ST8SIA6: variants seen among roughly 807,000 people sequenced by gnomAD.
The protein encoded by ST8SIA6 is ST8 alpha-N-acetyl-neuraminide alpha-2,8-sialyltransferase 6, also known as alpha-2,8-sialyltransferase 8F.
In ST8SIA6, 39 loss-of-function variants were observed where a neutral mutation model predicts 33.6. The observed-to-expected ratio is 1.16, with a 90% CI of 0.90 to 1.52. The LOEUF is 1.52. Among genes scored for constraint, ST8SIA6 ranks in the 40% most tolerant of loss-of-function variants. The pLI, the probability that ST8SIA6 is intolerant of heterozygous loss-of-function variation, is 0.00. For missense variants in ST8SIA6, 441 were observed against 443.8 expected, an observed-to-expected ratio of 0.99 and a Z score of 0.06; for synonymous variants, 172 against 167.2, an observed-to-expected ratio of 1.03 and a Z score of -0.22.
At chr10:17,365,345 GGTTA>G (rs1311902965) in intron 3 of ST8SIA6, among the ~76,000 whole-genome samples, 1 of 152,066 alleles carries the variant, frequency 6.6e-6, no homozygotes, top group African/African-American at 2.4e-5. Context: ...TATAATTTAT[GGTTA>G]ATTAATAAAA....
intron 4 of ST8SIA6, among the ~76,000 whole-genome samples, chr10:17,341,103 T>C (rs1848658919): frequency 6.6e-6 from 1 of 152,248 alleles, no homozygotes; most frequent in Non-Finnish European, 1.5e-5. Flanking sequence ...AGGCTTTCAC[T>C]TGACTTTCTA....
At chr10:17,371,036 G>A (rs1261279294) in intron 3 of ST8SIA6, among the ~76,000 whole-genome samples, 1 of 152,160 alleles carries the variant, frequency 6.6e-6, no homozygotes, top group East Asian at 1.9e-4. Flanking sequence ...GGTGGGGTTA[G>A]GAAGAAATCA....
At chr10:17,323,970 C>T (rs963858270) in intron 6 of ST8SIA6, among the ~76,000 whole-genome samples, 7 of 152,074 alleles carry the variant, frequency 4.6e-5, no homozygotes, top group Admixed American at 4.6e-4. Context: ...GATAGTTTTG[C>T]CACCAAATTA....
chr10:17,380,567 TAAC>T (rs780425706), intron 3 of ST8SIA6, among the ~76,000 whole-genome samples: 2 of 152,224 alleles, frequency 1.3e-5, no homozygotes, highest in Non-Finnish European at 2.9e-5. Flanking sequence ...TTTATTTACA[TAAC>T]AAGGCCACCT....
At chr10:17,346,238 C>T (rs528059039) in intron 4 of ST8SIA6, among the ~76,000 whole-genome samples, 117 of 152,326 alleles carry the variant, frequency 7.7e-4, no homozygotes, top group African/African-American at 2.6e-3. Context: ...ATGTGAGCGT[C>T]ACATCTTGGA....
intron 2 of ST8SIA6, among the ~76,000 whole-genome samples, chr10:17,426,696 C>T (rs1851950284): frequency 1.3e-5 from 2 of 152,200 alleles, no homozygotes; most frequent in Admixed American, 1.3e-4. Flanking sequence ...CTGGCTGCTA[C>T]AATGTAAAAG....
In ST8SIA6 at chr10:17,318,725, T is replaced by C. The variant is rs1049046834; in HGVS notation, c.*2153A>G. On this transcript the variant is annotated 3_prime_UTR_variant, in exon 8 of 8. Coordinates refer to ENST00000377602, the MANE Select transcript of ST8SIA6 (RefSeq NM_001004470.3). ...AGATGGAGTTTATAGTTTTTCTTTTTGTTTTGCACTTGGTGAAAAATTTGC... is the reference window on the plus strand; with the variant it reads ...AGATGGAGTTTATAGTTTTTCTTTTCGTTTTGCACTTGGTGAAAAATTTGC... 13 of 470,740 alleles carry C rather than the reference T, an allele frequency of 2.8e-5. No individual in the cohort carries two copies. The highest frequency in any genetic ancestry group is 4.8e-5 in the Non-Finnish European group (11 of 227,078). 29.2% of individuals were successfully genotyped at this position (470,740 alleles called of 1,614,324 possible). A position where few individuals can be genotyped will look rare whatever the true frequency, so the allele number is the denominator to read the frequency against.
intron 4 of ST8SIA6, among the ~76,000 whole-genome samples, chr10:17,335,790 T>C (rs1848480924): frequency 1.3e-5 from 2 of 152,210 alleles, no homozygotes; most frequent in Admixed American, 6.5e-5. Context: ...TAATTTTTAG[T>C]GGCTCTTTTA....
At chr10:17,324,793 C>T (rs1848068832) in intron 6 of ST8SIA6, among the ~76,000 whole-genome samples, 1 of 136,956 alleles carries the variant, frequency 7.3e-6, no homozygotes. Context: ...GGTATGTATG[C>T]ATGTATTATA....
At chr10:17,385,301 A>G (rs1457164468) in intron 3 of ST8SIA6, among the ~76,000 whole-genome samples, 1 of 152,156 alleles carries the variant, frequency 6.6e-6, no homozygotes, top group Non-Finnish European at 1.5e-5. Flanking sequence ...CCACACTTCG[A>G]GTCTTCCTGC....
At chr10:17,418,097 C>A (rs1447558884) in intron 2 of ST8SIA6, among the ~76,000 whole-genome samples, 1 of 152,180 alleles carries the variant, frequency 6.6e-6, no homozygotes, top group South Asian at 2.1e-4. Context: ...GCCACTCTGT[C>A]ACCCAGGCTG....
intron 4 of ST8SIA6, among the ~76,000 whole-genome samples, chr10:17,350,267 G>C (rs1365499919): frequency 6.6e-6 from 1 of 152,184 alleles, no homozygotes; most frequent in Non-Finnish European, 1.5e-5. Context: ...TCCAGGATTT[G>C]GCTGTGTCGT....
intron 2 of ST8SIA6, among the ~76,000 whole-genome samples, chr10:17,400,816 C>T (rs952415608): frequency 1.3e-5 from 2 of 152,146 alleles, no homozygotes; most frequent in African/African-American, 4.8e-5. Flanking sequence ...AACCCACAGC[C>T]AATATCATAC....
In ST8SIA6 at chr10:17,453,622, C is replaced by T; in HGVS notation, c.137G>A (p.Gly46Asp). The change falls in exon 2 of 8, where the codon GGC becomes GAC. Residue 46 changes from glycine (G) to aspartate (D), a missense_variant. Gly to Asp is a moderately conservative substitution (Grantham distance 94, BLOSUM62 -1). Transcript: ENST00000377602. ...GAGCGTCCTCAGCGCTGCGGGGGTG[C>T]CGTGGGTGGCCTCCCTGCTTTCCTC... ...LVEESREATH[G>D]TPAALRTLRS... The T allele has an allele frequency of 1.5e-6, 2 of 1,325,660 alleles. No homozygotes were observed. The highest frequency in any genetic ancestry group is 9.7e-7 in the Non-Finnish European group (1 of 1,030,204). The allele number at this position is 1,325,660 out of a possible 1,614,324, so 82.1% of individuals were successfully genotyped here. A position where few individuals can be genotyped will look rare whatever the true frequency, so the allele number is the denominator to read the frequency against.
At chr10:17,440,460 C>A (rs1302142838) in intron 2 of ST8SIA6, among the ~76,000 whole-genome samples, 1 of 152,112 alleles carries the variant, frequency 6.6e-6, no homozygotes, top group Non-Finnish European at 1.5e-5. Flanking sequence ...CCTGCCCCGG[C>A]CTCCCAAAGT....
chr10:17,444,319 G>A (rs967845402), intron 2 of ST8SIA6, among the ~76,000 whole-genome samples: 4 of 152,302 alleles, frequency 2.6e-5, no homozygotes, highest in East Asian at 1.9e-4. Context: ...TCTGTCGAAC[G>A]TTGCCTCGTG....
intron 5 of ST8SIA6, among the ~76,000 whole-genome samples, chr10:17,328,585 G>A (rs1477645620): frequency 6.6e-6 from 1 of 152,182 alleles, no homozygotes; most frequent in Admixed American, 6.5e-5. Context: ...GGATTAAGGT[G>A]TAAGTCCTCA....
chr10:17,339,636 C>T (rs532314665), intron 4 of ST8SIA6, among the ~76,000 whole-genome samples: 5 of 152,160 alleles, frequency 3.3e-5, no homozygotes, highest in Non-Finnish European at 7.4e-5. Flanking sequence ...TACTTCTCTT[C>T]TTGCCTCATT....
chr10:17,379,357 C>T (rs1305988415), intron 3 of ST8SIA6, among the ~76,000 whole-genome samples: 1 of 151,616 alleles, frequency 6.6e-6, no homozygotes, highest in Non-Finnish European at 1.5e-5. Context: ...TAATAATCAC[C>T]TTAGCGTTTG....
Sources: allele counts gnomAD v4.1 joint callset (sites outside exome capture counted in the v4.1 genomes callset), GRCh38; gene constraint gnomAD v4.1.1; transcripts MANE v1.5; gene names NCBI Gene and HGNC (gene_info 2026-07-23, HGNC 2026-07-21).